The following NRAP variants were observed in gnomAD, a reference collection of about 807,000 sequenced individuals.
The protein encoded by NRAP is nebulin-related-anchoring protein.
A neutral mutation model predicts 225.9 loss-of-function variants in NRAP; 189 were observed. The observed-to-expected ratio is 0.84, with a 90% confidence interval of 0.74 to 0.94. NRAP has a LOEUF of 0.94. Among genes scored for constraint, NRAP ranks in the 40% least tolerant of loss-of-function variants. NRAP has a pLI of 0.00. For missense variants in NRAP, 2,176 were observed against 2,168.7 expected (o/e 1.00, Z -0.07); for synonymous variants, 769 against 790.7 (o/e 0.97, Z 0.46).
chr10:113,592,448 T>G, intron 38 of NRAP, 147 bp from the exon 39 acceptor site: 2 of 504,584 alleles, frequency 4.0e-6, no homozygotes, highest in East Asian at 6.5e-5. Flanking sequence ...GGCGACTCCC[T>G]AGCACTGGGA....
intron 40 of NRAP, among the ~76,000 whole-genome samples, chr10:113,590,197 C>G (rs548544196): frequency 6.6e-6 from 1 of 152,172 alleles, no homozygotes; most frequent in Non-Finnish European, 1.5e-5. Flanking sequence ...GCATAGCCAT[C>G]GAGAGCTTGG....
At chr10:113,661,316 A>G (rs995445258) in intron 3 of NRAP, among the ~76,000 whole-genome samples, 5 of 152,244 alleles carry the variant, frequency 3.3e-5, no homozygotes, top group African/African-American at 1.2e-4. Flanking sequence ...GTTAAATAAA[A>G]GAAATAATAA....
intron 9 of NRAP, among the ~76,000 whole-genome samples, chr10:113,648,434 A>G (rs1213919339): frequency 3.1e-5 from 1 of 32,168 alleles, no homozygotes; most frequent in Admixed American, 3.7e-4. Context: ...ACTTTATTTT[A>G]GTTTCTCTCT....
chr10:113,655,522 C>T (rs1850258625), intron 4 of NRAP, among the ~76,000 whole-genome samples: 1 of 149,988 alleles, frequency 6.7e-6, no homozygotes, highest in South Asian at 2.1e-4. Context: ...GTGGCACTAT[C>T]TCAGCTCACT....
chr10:113,589,711 A>G lies in NRAP; in HGVS notation c.5043T>C (p.Ala1681=). The G allele has an allele frequency of 6.2e-7, 1 of 1,614,034 alleles. No homozygotes were observed. Among genetic ancestry groups the G allele is most frequent in the Non-Finnish European group, 8.5e-7 (1 of 1,180,006 alleles). Residue 1681 remains alanine, a synonymous_variant, in exon 41 of 42, where the codon GCT becomes GCC. Transcript: ENST00000359988. The part of the protein sequence containing the change: ...GSYKVEMARR[A]AELANARGLG... ...GGCCCCTTGCGTTGGCCAGTTCCGC[A>G]GCCCGCCGAGCCATTTCCACTTTGT...
chr10:113,640,251 A>G lies in NRAP; in HGVS notation c.1404T>C (p.Ala468=). Residue 468 remains alanine, a synonymous_variant, in exon 14 of 42, where the codon GCT becomes GCC. Transcript: ENST00000359988. ...PATLTPSYQT[A]MKLVPLKDAN... is the part of the protein sequence containing the mutation. ...CATCTTTCAAGGGCACCAGTTTCAT[A>G]GCTGTTTGATAGGAAGGCGTGAGAG... 1 of 1,605,258 alleles carries G rather than the reference A, an allele frequency of 6.2e-7. No homozygotes were observed. Among genetic ancestry groups the G allele is most frequent in the South Asian group, 1.1e-5 (1 of 90,362 alleles).
intron 37 of NRAP, among the ~76,000 whole-genome samples, chr10:113,596,542 A>G (rs1410956672): frequency 6.6e-6 from 1 of 152,246 alleles, no homozygotes; most frequent in Non-Finnish European, 1.5e-5. Flanking sequence ...AAATAGGGCT[A>G]AATTATACAG....
At position 113,642,646 on chromosome 10, in the gene NRAP, A is replaced by T. The variant is rs1425658578; in HGVS notation, c.1215+288T>A. On this transcript the variant is annotated intron_variant, in intron 12 of 41. Transcript: ENST00000359988. ...TGCTCAGCCAGGCCCCCTCACCAGC[A>T]TTCATCACTATGAGCTGGGCACTGT... Among the ~76,000 whole-genome samples, 3 of 152,288 alleles carry T rather than the reference A, an allele frequency of 2.0e-5. No individual in the cohort carries two copies. In the South Asian group the frequency reaches 6.2e-4, roughly 32 times the overall value.
Position 113,623,545 on chromosome 10 carries a change from C to T in NRAP, c.2441G>A (p.Arg814Lys), listed in dbSNP as rs146676158. 440 of 1,613,210 alleles carry T rather than the reference C, an allele frequency of 2.7e-4. 2 individuals are homozygous for T. The highest frequency in any genetic ancestry group is 5.3e-5 in the Non-Finnish European group (63 of 1,179,388). The change falls in exon 23 of 42, where the codon AGG becomes AAG. Residue 814 changes from arginine (R) to lysine (K), a missense_variant. Around this residue, in one of 3 missense-constraint regions of NRAP, gnomAD observed 1,708 missense variants for 1,695.5 expected, o/e 1.01. Coordinates refer to ENST00000359988, the MANE Select transcript of NRAP (RefSeq NM_198060.4). Reference protein sequence around the residue: ...SLTFLAAKAKRDLASEVKYKE... With the variant: ...SLTFLAAKAKKDLASEVKYKE... Reference sequence around the variant, plus strand: ...CAGACTCACCTCGCTAGCCAGGTCCCTCTTGGCTTTGGCTGCCAGGAAGGT... The same window carrying T: ...CAGACTCACCTCGCTAGCCAGGTCCTTCTTGGCTTTGGCTGCCAGGAAGGT...
chr10:113,592,352 T>G lies in NRAP; in HGVS notation c.4537-51A>C, dbSNP rs752344479. The stretch of plus-strand genomic sequence containing the variant: ...GTAAGCAGGCAGTCACTCCACTGTC[T>G]TCCATGTTGCTGGTACTCAGCAGGA... On this transcript the variant is annotated intron_variant, in intron 38 of 41. Transcript: ENST00000359988. 4 of 1,243,664 alleles carry G rather than the reference T, an allele frequency of 3.2e-6. No homozygotes were observed. In the African/African-American group the frequency reaches 5.9e-5, roughly 18 times the overall value. The allele number at this position is 1,243,664 out of a possible 1,614,324, so 77.0% of individuals were successfully genotyped here.
At chr10:113,658,754 C>T (rs552106307) in intron 3 of NRAP, among the ~76,000 whole-genome samples, 56 of 151,812 alleles carry the variant, frequency 3.7e-4, no homozygotes, top group Admixed American at 7.9e-4. Context: ...TGGTGGTGCA[C>T]GCCTGTAGTC....
rs1344527879 is a variant in NRAP at position 113,640,279 on chromosome 10, G to T, written c.1376C>A (p.Ala459Asp). ...TGTTTGATAGGAAGGCGTGAGAGTGGCTGGGTAGTTGTAGTCGACAATATC... is the reference window on the plus strand; with the variant it reads ...TGTTTGATAGGAAGGCGTGAGAGTGTCTGGGTAGTTGTAGTCGACAATATC... ...KHDIVDYNYPATLTPSYQTAM... is the reference protein window; with the variant it reads ...KHDIVDYNYPDTLTPSYQTAM... Residue 459 changes from alanine (A) to aspartate (D), a missense_variant, in exon 14 of 42, where the codon GCC becomes GAC. Physicochemically the swap from Ala to Asp is moderately radical, Grantham distance 126. This residue lies in a region of NRAP where 1,708 missense variants were observed against 1,695.5 expected (regional missense o/e 1.01). Coordinates refer to ENST00000359988, the MANE Select transcript of NRAP (RefSeq NM_198060.4). 2 of 1,603,884 alleles carry T rather than the reference G, an allele frequency of 1.2e-6. No homozygotes were observed. Among genetic ancestry groups the T allele is most frequent in the Admixed American group, 1.7e-5 (1 of 58,236 alleles).
At chr10:113,623,076 C>T (rs182610737) in intron 23 of NRAP, among the ~76,000 whole-genome samples, 1 of 152,276 alleles carries the variant, frequency 6.6e-6, no homozygotes, top group East Asian at 1.9e-4. Flanking sequence ...TTGCAATTAC[C>T]AATTTACCAG....
chr10:113,622,287 AT>A, intron 23 of NRAP, 107 bp from the exon 24 acceptor site: 1 of 705,130 alleles, frequency 1.4e-6, no homozygotes, highest in Non-Finnish European at 2.4e-6. Flanking sequence ...ACAGAATCCT[AT>A]TAGAATTAGA....
At chr10:113,643,352 G>A (rs1285222412) in intron 11 of NRAP, among the ~76,000 whole-genome samples, 2 of 152,336 alleles carry the variant, frequency 1.3e-5, no homozygotes, top group African/African-American at 4.8e-5. Context: ...GAGTGGAAAT[G>A]CATTACGGGG....
intron 38 of NRAP, among the ~76,000 whole-genome samples, chr10:113,595,025 A>G (rs568658493): frequency 6.6e-6 from 1 of 152,254 alleles, no homozygotes. Context: ...CTATTCTATT[A>G]CAACCAGGGG....
At position 113,590,850 on chromosome 10, in the gene NRAP, G is replaced by A. The variant is rs376916581; in HGVS notation, c.4684C>T (p.Gln1562Ter). ...TCGTCGACACTGCGGTACCCGATCT[G>A]CAGGCCTCGGTCCCGCAGGAAAGCC... is the stretch of plus-strand genomic sequence containing the variant. ...KEAFLRDRGL[Q>*]IGYRSVDDDP... is the part of the protein sequence containing the mutation. The change falls in exon 40 of 42, where the codon CAG (glutamine) becomes TAG (stop). Residue 1562 changes from glutamine (Q) to a stop codon, truncating the protein, a stop_gained. Coordinates refer to ENST00000359988, the MANE Select transcript of NRAP (RefSeq NM_198060.4). LOFTEE classifies it high-confidence loss of function. 1 of 1,614,206 alleles carries A rather than the reference G, an allele frequency of 6.2e-7. No individual in the cohort carries two copies. The highest frequency in any genetic ancestry group is 8.5e-7 in the Non-Finnish European group (1 of 1,180,028).
At chr10:113,589,406 G>A (rs939081799) in intron 41 of NRAP, 23 of 579,620 alleles carry the variant, frequency 4.0e-5, no homozygotes, top group African/African-American at 5.6e-5. Flanking sequence ...CCTGGCCCGG[G>A]ATTGATGTAG....
chr10:113,661,076 A>G (rs747440742), intron 3 of NRAP, among the ~76,000 whole-genome samples: 6 of 152,220 alleles, frequency 3.9e-5, no homozygotes, highest in Admixed American at 3.9e-4. Context: ...AGCTGCTCTC[A>G]GACACCAAGA....
Sources: gnomAD v4.1 joint callset for allele counts (sites outside exome capture counted in the v4.1 genomes callset) on GRCh38, gnomAD v4.1.1 for gene constraint, gnomAD v4.1.1 regional missense constraint, MANE v1.5 for transcripts, NCBI Gene and HGNC (gene_info 2026-07-23, HGNC 2026-07-21) for gene names.